The following GKAP1 variants were observed in gnomAD, a reference collection of about 807,000 sequenced individuals.
GKAP1 encodes the protein G kinase-anchoring protein 1.
Under a neutral mutation model 56.7 loss-of-function variants are expected in GKAP1, and 31 were observed. The ratio of observed to expected loss-of-function variants is 0.55; its 90% CI spans 0.41 to 0.74. The LOEUF (loss-of-function observed/expected upper bound fraction) is 0.74, where lower values mean the gene tolerates loss of function less well. Ranked by LOEUF, GKAP1 falls within the 30% of genes least tolerant of loss-of-function variation. GKAP1 has a pLI of 0.00. For synonymous variants in GKAP1, 151 were observed against 138.6 expected (o/e 1.09, Z -0.63); for missense variants, 364 against 402.3 (o/e 0.90, Z 0.82).
At chr9:83,742,949 A>G (rs542541125) in intron 10 of GKAP1, among the ~76,000 whole-genome samples, 15 of 152,206 alleles carry the variant, frequency 9.9e-5, no homozygotes, top group African/African-American at 3.6e-4. Context: ...TTGAAGCCAG[A>G]AGTTGGAGAC....
At chr9:83,784,673 T>C (rs372448789) in intron 6 of GKAP1, 42 bp downstream of exon 6, 16 of 1,387,900 alleles carry the variant, frequency 1.2e-5, no homozygotes, top group South Asian at 2.8e-5. Flanking sequence ...AAAACAGATG[T>C]AGAATAGTTC....
At position 83,804,278 on chromosome 9, in the gene GKAP1, GC is replaced by G. The variant is rs1220150989; in HGVS notation, c.216+2023del. Among the ~76,000 whole-genome samples the G allele has an allele frequency of 3.7e-3, 536 of 144,646 alleles. 2 individuals are homozygous for G. Among genetic ancestry groups the G allele is most frequent in the Admixed American group, 8.7e-3 (128 of 14,674 alleles). 94.9% of individuals were successfully genotyped at this position (144,646 alleles called of 152,430 possible). A position where few individuals can be genotyped will look rare whatever the true frequency, so the allele number is the denominator to read the frequency against. ...GGCTCAGCCCCCCGCCCGGCCAGCC[GC>G]CCCATCTGGGAGGGAGGTGGGGGGG... On this transcript the variant is annotated intron_variant, in intron 3 of 12. Transcript: ENST00000376371.
chr9:83,784,735 A>G lies in GKAP1; in HGVS notation c.542T>C (p.Leu181Pro). Residue 181 changes from leucine to proline, a missense_variant, in exon 6 of 13, where the codon CTA (leucine) becomes CCA (proline). Transcript: ENST00000376371. ...ATTACCTTCCGAATGAAAATCTTTT[A>G]GTGATACTGTGAGAGGTCTGTCTTT... is the stretch of plus-strand genomic sequence containing the variant. ...QGKDRPLTVS[L>P]KDFHSEDHIS... The G allele has an allele frequency of 6.3e-7, 1 of 1,596,292 alleles. No homozygotes were observed.
chr9:83,788,911 T>G (rs1203561810), intron 4 of GKAP1: 1 of 307,482 alleles, frequency 3.3e-6, no homozygotes, highest in East Asian at 5.1e-5. Flanking sequence ...TGTTATCTAT[T>G]ATATATGATA....
intron 7 of GKAP1, among the ~76,000 whole-genome samples, chr9:83,776,836 C>T (rs1220890908): frequency 6.6e-6 from 1 of 152,026 alleles, no homozygotes; most frequent in Non-Finnish European, 1.5e-5. Flanking sequence ...ATCAACAGAT[C>T]CAACATTACT....
chr9:83,779,231 G>T (rs1379650309), intron 7 of GKAP1, among the ~76,000 whole-genome samples: 2 of 151,614 alleles, frequency 1.3e-5, no homozygotes, highest in African/African-American at 4.8e-5. Flanking sequence ...GATGACAATG[G>T]TTTGCAAATA....
chr9:83,766,017 G>T (rs773472397), intron 8 of GKAP1, among the ~76,000 whole-genome samples: 15 of 152,192 alleles, frequency 9.9e-5, no homozygotes, highest in Non-Finnish European at 1.9e-4. Context: ...TAGTTGGGCT[G>T]TGTCCCCACC....
At chr9:83,768,255 T>C (rs1943696570) in intron 8 of GKAP1, among the ~76,000 whole-genome samples, 1 of 152,182 alleles carries the variant, frequency 6.6e-6, no homozygotes, top group African/African-American at 2.4e-5. Flanking sequence ...TCTAGGGCCT[T>C]TTATATTTCA....
intron 8 of GKAP1, among the ~76,000 whole-genome samples, chr9:83,767,406 C>A (rs1587706138): frequency 1.3e-5 from 2 of 151,578 alleles, no homozygotes; most frequent in Admixed American, 1.3e-4. Context: ...GTCATCCAGG[C>A]TAGAGTGCAG....
intron 3 of GKAP1, among the ~76,000 whole-genome samples, chr9:83,805,168 C>G (rs1282142438): frequency 3.9e-5 from 6 of 152,154 alleles, no homozygotes; most frequent in African/African-American, 9.7e-5. Flanking sequence ...GGTGACCTTA[C>G]CCCCAACCCT....
intron 9 of GKAP1, 21 bp from the exon 10 acceptor site, chr9:83,748,393 ATT>A (rs1943329746): frequency 7.0e-7 from 1 of 1,421,996 alleles, no homozygotes; most frequent in African/African-American, 1.4e-5. Context: ...AAGAAAAAAG[ATT>A]TAGTTTTTTT....
intron 8 of GKAP1, among the ~76,000 whole-genome samples, chr9:83,759,149 C>T (rs1367776688): frequency 6.6e-6 from 1 of 152,190 alleles, no homozygotes; most frequent in Non-Finnish European, 1.5e-5. Context: ...CCCCTTTTCC[C>T]TCCTCTTCTG....
At chr9:83,762,606 A>C (rs1564194118) in intron 8 of GKAP1, among the ~76,000 whole-genome samples, 1 of 152,198 alleles carries the variant, frequency 6.6e-6, no homozygotes, top group Non-Finnish European at 1.5e-5. Context: ...ATCTTAAGCA[A>C]AACGAAGAAA....
At chr9:83,756,852 C>T (rs1943486230) in intron 8 of GKAP1, among the ~76,000 whole-genome samples, 1 of 152,120 alleles carries the variant, frequency 6.6e-6, no homozygotes, top group Non-Finnish European at 1.5e-5. Flanking sequence ...ATCAGCAGTT[C>T]CCAAAATTTC....
In GKAP1 at chr9:83,804,186, C is replaced by T. The variant is rs546036426; in HGVS notation, c.216+2116G>A. On this transcript the variant is annotated intron_variant, in intron 3 of 12. Coordinates refer to ENST00000376371, the MANE Select transcript of GKAP1 (RefSeq NM_025211.4). The stretch of plus-strand genomic sequence containing the variant: ...GGAGGTGAGGGGCGCCTCTGCCCAG[C>T]CGCCCCTACTGGGAAGTGAGGAGCC... 5.3e-5 allele frequency among the ~76,000 whole-genome samples: 8 copies of T among 150,138 alleles called. No homozygotes were observed. The South Asian group carries it at 1.7e-3, about 32-fold the overall frequency.
intron 1 of GKAP1, 98 bp from the exon 2 acceptor site, chr9:83,817,225 G>T (rs1331238839): frequency 2.0e-5 from 3 of 151,916 alleles, no homozygotes; most frequent in Non-Finnish European, 4.4e-5. Flanking sequence ...GGAGGGGACG[G>T]TGGCACCTGT....
chr9:83,766,952 G>A (rs1185989242), intron 8 of GKAP1, among the ~76,000 whole-genome samples: 1 of 152,188 alleles, frequency 6.6e-6, no homozygotes, highest in Non-Finnish European at 1.5e-5. Flanking sequence ...AAGGAAGTAA[G>A]GGTAAAGTGT....
chr9:83,785,870 T>TA (rs1323314673), intron 5 of GKAP1, among the ~76,000 whole-genome samples: 1 of 152,234 alleles, frequency 6.6e-6, no homozygotes, highest in Non-Finnish European at 1.5e-5. Flanking sequence ...CCTTGCCTAG[T>TA]ACATGAAGAA....
chr9:83,769,592 T>C (rs988473624), intron 7 of GKAP1, among the ~76,000 whole-genome samples: 1 of 152,238 alleles, frequency 6.6e-6, no homozygotes. Flanking sequence ...TTGCCAAATA[T>C]CCCATTCTAC....
Sources: allele counts gnomAD v4.1 joint callset (sites outside exome capture counted in the v4.1 genomes callset), GRCh38; gene constraint gnomAD v4.1.1; transcripts MANE v1.5; gene names NCBI Gene and HGNC (gene_info 2026-07-23, HGNC 2026-07-21).